Variants in ACTN4 observed in about 807,000 individuals in gnomAD.
The protein encoded by ACTN4 is alpha-actinin-4.
Under a neutral mutation model 114.2 loss-of-function variants are expected in ACTN4, and 18 were observed. The observed-to-expected ratio is 0.16, with a 90% CI of 0.11 to 0.23. ACTN4 has a LOEUF of 0.23. ACTN4 is among the 10% of genes least tolerant of loss of function. ACTN4 has a pLI of 1.00. For synonymous variants in ACTN4, 515 were observed against 506.3 expected, an observed-to-expected ratio of 1.02 and a Z score of -0.23; for missense variants, 722 against 1,262.9, an observed-to-expected ratio of 0.57 and a Z score of 6.49.
At position 38,724,256 on chromosome 19, in the gene ACTN4, G is replaced by T. The variant is rs750438589; in HGVS notation, c.1792G>T (p.Ala598Ser). Reference sequence around the variant, plus strand: ...CATCCACAAGGAGGCCCAGAGGATCGCTGAGAGCAACCACATCAAGCTGTC... The same window carrying T: ...CATCCACAAGGAGGCCCAGAGGATCTCTGAGAGCAACCACATCAAGCTGTC... ...LAIHKEAQRI[A>S]ESNHIKLSGS... is the part of the protein sequence containing the mutation. The change falls in exon 15 of 21, where the codon GCT becomes TCT. Residue 598 changes from alanine to serine, a missense_variant. This residue lies in a region of ACTN4 where 523 missense variants were observed against 875.9 expected (regional missense o/e 0.60). Coordinates refer to ENST00000252699, the MANE Select transcript of ACTN4 (RefSeq NM_004924.6). The surrounding 1 kb of genome is among the most constrained non-coding windows in gnomAD (Gnocchi z 7.0). The T allele has an allele frequency of 7.4e-6, 12 of 1,613,786 alleles. No homozygotes were observed. The highest frequency in any genetic ancestry group is 1.3e-5 in the African/African-American group (1 of 74,910).
chr19:38,729,729 C>A lies in ACTN4; in HGVS notation c.*297C>A. The A allele has an allele frequency of 1.7e-6, 1 of 591,830 alleles. No individual in the cohort carries two copies. The highest frequency in any genetic ancestry group is 1.5e-5 in the South Asian group (1 of 65,616). The allele number at this position is 591,830 out of a possible 1,614,324, so 36.7% of individuals were successfully genotyped here. A position where few individuals can be genotyped will look rare whatever the true frequency, so the allele number is the denominator to read the frequency against. On this transcript the variant is annotated 3_prime_UTR_variant, in exon 21 of 21. Coordinates refer to ENST00000252699, the MANE Select transcript of ACTN4 (RefSeq NM_004924.6). ...GGGCCAGTGGATTCCCACAGCACAA[C>A]CGGTCCCTTCCATGCCCTGGGATGC...
Position 38,727,396 on chromosome 19 carries a change from C to A in ACTN4, c.2337+293C>A, listed in dbSNP as rs1040952410. The stretch of plus-strand genomic sequence containing the variant: ...GAAGTCTCAGCACACCCAGGCTTTG[C>A]GACCCGGTCTGTGAACCTGGACACA... On this transcript the variant is annotated intron_variant, in intron 18 of 20. Transcript: ENST00000252699. The surrounding 1 kb of genome is among the most constrained non-coding windows in gnomAD (Gnocchi z 5.4). Among the ~76,000 whole-genome samples, 1 of 152,116 alleles carries A rather than the reference C, an allele frequency of 6.6e-6. No individual in the cohort carries two copies. Among genetic ancestry groups the A allele is most frequent in the Non-Finnish European group, 1.5e-5 (1 of 68,010 alleles).
In ACTN4 at chr19:38,728,035, C is replaced by T. The variant is rs1458885455; in HGVS notation, c.2418+9C>T. ...TGGAGAACGACCGGCAGGTACTGCA[C>T]CCTGGGCCCCAGCGGACCATGGCAT... On this transcript the variant is annotated intron_variant, in intron 19 of 20. Coordinates refer to ENST00000252699, the MANE Select transcript of ACTN4 (RefSeq NM_004924.6). 1.9e-6 allele frequency: 3 copies of T among 1,606,410 alleles called. No individual in the cohort carries two copies. Among genetic ancestry groups the T allele is most frequent in the South Asian group, 2.2e-5 (2 of 89,952 alleles).
chr19:38,695,491 T>G (rs1968062699), intron 1 of ACTN4, among the ~76,000 whole-genome samples: 1 of 152,182 alleles, frequency 6.6e-6, no homozygotes, highest in Non-Finnish European at 1.5e-5. Flanking sequence ...TCTGCCTTCC[T>G]CTTCCTGCCA....
At chr19:38,728,449 C>CCTCCTCCTCCTT (rs1969334262) in intron 19 of ACTN4, 2 of 1,042,982 alleles carry the variant, frequency 1.9e-6, no homozygotes, top group South Asian at 1.5e-5. Context: ...TCCTCCTCCT[C>CCTCCTCCTCCTT]CCCCCCACCT....
chr19:38,725,999 C>A, intron 17 of ACTN4, 96 bp downstream of exon 17: 1 of 1,503,244 alleles, frequency 6.7e-7, no homozygotes, highest in South Asian at 1.1e-5. Flanking sequence ...TGTCTGCTGT[C>A]TGTTGTTTTT....
At chr19:38,649,521 GT>G (rs1030431544) in intron 1 of ACTN4, among the ~76,000 whole-genome samples, 1 of 152,186 alleles carries the variant, frequency 6.6e-6, no homozygotes, top group Non-Finnish European at 1.5e-5. Context: ...TCTCCGGGCA[GT>G]TTTGTTATCT....
chr19:38,713,586 G>A (rs1052040479), intron 8 of ACTN4, among the ~76,000 whole-genome samples: 1 of 152,176 alleles, frequency 6.6e-6, no homozygotes. Context: ...AGCACCGGCT[G>A]CCGCCTCCCC....
chr19:38,729,404 C>T lies in ACTN4; in HGVS notation c.2708C>T (p.Thr903Met), dbSNP rs150439937. 81 of 1,612,766 alleles carry T rather than the reference C, an allele frequency of 5.0e-5. No homozygotes were observed. Among genetic ancestry groups the T allele is most frequent in the Non-Finnish European group, 6.1e-5 (72 of 1,179,998 alleles). Residue 903 changes from threonine (T) to methionine (M), a missense_variant, in exon 21 of 21, where the codon ACG becomes ATG. By Grantham distance (81) the Thr-to-Met change is moderately conservative. Around this residue, in one of 3 missense-constraint regions of ACTN4, gnomAD observed 523 missense variants for 875.9 expected, o/e 0.60. Coordinates refer to ENST00000252699, the MANE Select transcript of ACTN4 (RefSeq NM_004924.6). ...GCCCTCGACTACAAGTCCTTCTCCA[C>T]GGCCTTGTATGGCGAGAGCGACCTG... ...PGALDYKSFS[T>M]ALYGESDL
chr19:38,703,559 G>A (rs1303967689), intron 3 of ACTN4, among the ~76,000 whole-genome samples: 2 of 152,098 alleles, frequency 1.3e-5, no homozygotes, highest in Non-Finnish European at 2.9e-5. Flanking sequence ...TTTGTTTTTA[G>A]GTTAGTTCAG....
chr19:38,710,416 T>C, intron 8 of ACTN4, 74 bp downstream of exon 8: 2 of 1,485,574 alleles, frequency 1.3e-6, no homozygotes, highest in Non-Finnish European at 1.9e-6. Flanking sequence ...CCTCCCGTGC[T>C]CACCTCATTT....
chr19:38,730,917 G>T lies in ACTN4; in HGVS notation c.*1485G>T. The T allele has an allele frequency of 1.3e-6, 2 of 1,550,592 alleles. No homozygotes were observed. The highest frequency in any genetic ancestry group is 1.7e-6 in the Non-Finnish European group (2 of 1,147,076). On this transcript the variant is annotated 3_prime_UTR_variant, in exon 21 of 21. Transcript: ENST00000252699. ...GGAAGACAGTGGCTTGAGGCAGGGA[G>T]CTCGCAGGACAGAGCCTGAGCCACC...
At chr19:38,661,931 C>T (rs1406918632) in intron 1 of ACTN4, among the ~76,000 whole-genome samples, 2 of 152,198 alleles carry the variant, frequency 1.3e-5, no homozygotes, top group African/African-American at 4.8e-5. Flanking sequence ...GGATTACAGG[C>T]GTGAGCCACC....
At position 38,727,754 on chromosome 19, in the gene ACTN4, A is replaced by G. The variant is rs12980398; in HGVS notation, c.2338-192A>G. 0.063 allele frequency: 38,524 copies of G among 606,706 alleles called. 1,445 individuals are homozygous for G. Among genetic ancestry groups the G allele is most frequent in the South Asian group, 0.1 (5,257 of 51,296 alleles). The allele number at this position is 606,706 out of a possible 1,614,324, so 37.6% of individuals were successfully genotyped here. On this transcript the variant is annotated intron_variant, in intron 18 of 20. Coordinates refer to ENST00000252699, the MANE Select transcript of ACTN4 (RefSeq NM_004924.6). The surrounding 1 kb of genome is among the most constrained non-coding windows in gnomAD (Gnocchi z 5.4). ...TTCCTTTGAGCTTCCGAGGTTGGGG[A>G]AAGGATGAAAGGGGCCCGTGCCGCC...
intron 8 of ACTN4, chr19:38,711,330 G>C: frequency 9.6e-7 from 1 of 1,044,086 alleles, no homozygotes; most frequent in Non-Finnish European, 1.2e-6. Flanking sequence ...TACGTGTCCT[G>C]CTTCTACCAC....
chr19:38,707,915 G>A (rs1035605234), intron 5 of ACTN4, among the ~76,000 whole-genome samples: 3 of 152,238 alleles, frequency 2.0e-5, no homozygotes, highest in Non-Finnish European at 4.4e-5. Context: ...TCAGTAGGCA[G>A]AAGAGTCAGG....
intron 1 of ACTN4, among the ~76,000 whole-genome samples, chr19:38,669,012 A>T (rs1437061770): frequency 6.6e-6 from 1 of 151,946 alleles, no homozygotes. Flanking sequence ...TTTTCGAGAC[A>T]GTCTCTCCCT....
At chr19:38,671,715 G>A (rs940856605) in intron 1 of ACTN4, among the ~76,000 whole-genome samples, 3 of 152,158 alleles carry the variant, frequency 2.0e-5, no homozygotes, top group African/African-American at 7.2e-5. Context: ...AACTCTAATT[G>A]AGTCCCTGTG....
intron 1 of ACTN4, among the ~76,000 whole-genome samples, chr19:38,671,808 A>T (rs534901624): frequency 6.6e-6 from 1 of 152,372 alleles, no homozygotes; most frequent in South Asian, 2.1e-4. Flanking sequence ...GAAGCTCGCC[A>T]TGAAGGCATC....
Sources: allele counts gnomAD v4.1 joint callset (sites outside exome capture counted in the v4.1 genomes callset), GRCh38; gene constraint gnomAD v4.1.1; regional missense constraint gnomAD v4.1.1; non-coding constraint Gnocchi (gnomAD v3.1); transcripts MANE v1.5; gene names NCBI Gene and HGNC (gene_info 2026-07-23, HGNC 2026-07-21).